FAM169A: variants seen among roughly 807,000 people sequenced by gnomAD.
FAM169A encodes the protein soluble lamin-associated protein of 75 kDa.
Under a neutral mutation model 75.7 loss-of-function variants are expected in FAM169A, and 24 were observed. That is an observed-to-expected ratio of 0.32 (90% CI 0.23 to 0.45). The LOEUF is 0.45. FAM169A is among the 20% of genes least tolerant of loss of function. The pLI is 1.00. For missense variants in FAM169A, 673 were observed against 784.0 expected (o/e 0.86, Z 1.69); for synonymous variants, 271 against 271.0 (o/e 1.00, Z 0.00).
At position 74,778,022 on chromosome 5, in the gene FAM169A, T is replaced by C. The variant is rs1046751460; in HGVS notation, c.*3438A>G. On this transcript the variant is annotated 3_prime_UTR_variant, in exon 13 of 13. Transcript: ENST00000687041. ...TTTTAGCAGATAATTTTACCACTAA[T>C]ATAAATGGGTGATGTGTGGATCACA... The C allele has an allele frequency of 6.6e-6, 1 of 152,080 alleles. No individual in the cohort carries two copies. The highest frequency in any genetic ancestry group is 2.4e-5 in the African/African-American group (1 of 41,454). The allele number at this position is 152,080 out of a possible 1,614,324, so 9.4% of individuals were successfully genotyped here. A position where few individuals can be genotyped will look rare whatever the true frequency, so the allele number is the denominator to read the frequency against.
intron 1 of FAM169A, among the ~76,000 whole-genome samples, chr5:74,861,370 T>C (rs1020845313): frequency 6.6e-6 from 1 of 152,162 alleles, no homozygotes; most frequent in Non-Finnish European, 1.5e-5. Flanking sequence ...AGATCTTTGA[T>C]TCATATTTGC....
upstream of FAM169A, chr5:74,866,443 T>C: frequency 2.2e-6 from 2 of 905,664 alleles, no homozygotes; most frequent in Non-Finnish European, 2.6e-6. Context: ...CCACCGCGAA[T>C]CCCCCCGCCC....
chr5:74,858,591 G>C (rs1749846736), intron 1 of FAM169A, among the ~76,000 whole-genome samples: 1 of 152,110 alleles, frequency 6.6e-6, no homozygotes, highest in Non-Finnish European at 1.5e-5. Flanking sequence ...TGAAGGTAGA[G>C]GGTGGGAGGA....
chr5:74,830,384 T>C (rs1748252750), intron 5 of FAM169A, among the ~76,000 whole-genome samples: 2 of 152,248 alleles, frequency 1.3e-5, no homozygotes, highest in African/African-American at 4.8e-5. Context: ...ACAAGGATAA[T>C]GAAAACCAAA....
At chr5:74,832,093 A>T (rs1020299436) in intron 5 of FAM169A, among the ~76,000 whole-genome samples, 33 of 151,946 alleles carry the variant, frequency 2.2e-4, no homozygotes, top group Non-Finnish European at 3.8e-4. Context: ...TAATTTAAAA[A>T]TTTTTTTTAC....
intron 1 of FAM169A, among the ~76,000 whole-genome samples, chr5:74,863,871 T>G (rs113086670): frequency 0.016 from 2,369 of 152,088 alleles, 54 homozygotes; most frequent in African/African-American, 0.051. Context: ...CACTGTTATT[T>G]GCTAGAAAAA....
chr5:74,828,424 T>C (rs963036020), intron 5 of FAM169A, among the ~76,000 whole-genome samples: 1 of 152,142 alleles, frequency 6.6e-6, no homozygotes, highest in Non-Finnish European at 1.5e-5. Context: ...ATGAAAGATA[T>C]ACCTTCATTT....
chr5:74,866,592 C>A (rs377045164), upstream of FAM169A: 3 of 575,616 alleles, frequency 5.2e-6, no homozygotes, highest in Non-Finnish European at 2.2e-6. Context: ...GCCACCCGCG[C>A]CCCCTCTCTC....
chr5:74,808,831 A>G (rs574388521), intron 6 of FAM169A, among the ~76,000 whole-genome samples: 1 of 152,358 alleles, frequency 6.6e-6, no homozygotes, highest in African/African-American at 2.4e-5. Context: ...CTTTTATTAC[A>G]ATCAATAAAT....
At chr5:74,838,496 C>T (rs1017657558) in intron 4 of FAM169A, among the ~76,000 whole-genome samples, 1 of 152,166 alleles carries the variant, frequency 6.6e-6, no homozygotes, top group African/African-American at 2.4e-5. Flanking sequence ...CAACGTTCTT[C>T]AGCTGGCTGC....
chr5:74,853,490 G>A (rs1749549312), intron 1 of FAM169A, among the ~76,000 whole-genome samples: 1 of 152,076 alleles, frequency 6.6e-6, no homozygotes, highest in African/African-American at 2.4e-5. Context: ...CTGAGCCTAG[G>A]CAATCTGTCT....
chr5:74,840,191 T>C lies in FAM169A; in HGVS notation c.133-18A>G. 8.3e-7 allele frequency: 1 copy of C among 1,207,384 alleles called. No individual in the cohort carries two copies. The highest frequency in any genetic ancestry group is 1.9e-4 in the Middle Eastern group (1 of 5,140). 74.8% of individuals were successfully genotyped at this position (1,207,384 alleles called of 1,614,324 possible). A position where few individuals can be genotyped will look rare whatever the true frequency, so the allele number is the denominator to read the frequency against. ...ATAGGAATCTGAAATGACAAATTAATAAAGATTAGTGAACAGTCTGTTAAG... is the reference window on the plus strand; with the variant it reads ...ATAGGAATCTGAAATGACAAATTAACAAAGATTAGTGAACAGTCTGTTAAG... On this transcript the variant is annotated intron_variant, in intron 2 of 12. Transcript: ENST00000687041.
intron 5 of FAM169A, among the ~76,000 whole-genome samples, chr5:74,824,917 C>T (rs1747944154): frequency 6.6e-6 from 1 of 152,008 alleles, no homozygotes; most frequent in Admixed American, 6.6e-5. Context: ...CTCTTAAATA[C>T]ATTCACACAC....
chr5:74,832,424 AG>A (rs902092344), intron 5 of FAM169A, among the ~76,000 whole-genome samples: 3 of 151,908 alleles, frequency 2.0e-5, no homozygotes, highest in Admixed American at 6.6e-5. Flanking sequence ...TTTTCTATCA[AG>A]GCTATTCTAT....
intron 1 of FAM169A, among the ~76,000 whole-genome samples, chr5:74,846,782 C>CA (rs1749177742): frequency 6.6e-6 from 1 of 152,128 alleles, no homozygotes; most frequent in African/African-American, 2.4e-5. Flanking sequence ...AGGCTGGTCT[C>CA]AAACTCCTGG....
intron 5 of FAM169A, among the ~76,000 whole-genome samples, chr5:74,820,657 T>A (rs896400559): frequency 3.2e-4 from 48 of 152,088 alleles, no homozygotes; most frequent in African/African-American, 1.2e-3. Context: ...TACAACAGCC[T>A]CTTAGCTAGC....
chr5:74,790,990 G>A (rs1017136843), intron 11 of FAM169A, among the ~76,000 whole-genome samples: 8 of 152,096 alleles, frequency 5.3e-5, no homozygotes, highest in African/African-American at 9.7e-5. Context: ...ACCACCCGTG[G>A]ACTCGCGGAA....
intron 1 of FAM169A, among the ~76,000 whole-genome samples, chr5:74,848,054 C>A (rs1181866099): frequency 6.6e-6 from 1 of 152,112 alleles, no homozygotes; most frequent in Non-Finnish European, 1.5e-5. Context: ...TTCCCTAATT[C>A]CAAAGGCCCA....
At position 74,781,721 on chromosome 5, in the gene FAM169A, A is replaced by T. The variant is rs750534431; in HGVS notation, c.1752T>A (p.Thr584=). ...EGVSEPQETS[T]ALPQSSLIEV... is the part of the protein sequence containing the mutation. ...CTATCAAAGAACTCTGAGGAAGAGCAGTAGATGTTTCCTGGGGCTCAGATA... is the reference window on the plus strand; with the variant it reads ...CTATCAAAGAACTCTGAGGAAGAGCTGTAGATGTTTCCTGGGGCTCAGATA... The change falls in exon 13 of 13, where the codon ACT becomes ACA. Residue 584 remains threonine (T), a synonymous_variant. Transcript: ENST00000687041. 1 of 1,614,174 alleles carries T rather than the reference A, an allele frequency of 6.2e-7. No homozygotes were observed. Among genetic ancestry groups the T allele is most frequent in the South Asian group, 1.1e-5 (1 of 91,082 alleles).
Sources: gnomAD v4.1 joint callset for allele counts (sites outside exome capture counted in the v4.1 genomes callset) on GRCh38, gnomAD v4.1.1 for gene constraint, MANE v1.5 for transcripts, NCBI Gene and HGNC (gene_info 2026-07-23, HGNC 2026-07-21) for gene names.